Variants in RYR3 observed in about 807,000 individuals in gnomAD.
RYR3 encodes brain ryanodine receptor-calcium release channel.
Under a neutral mutation model 584.3 loss-of-function variants are expected in RYR3, and 207 were observed. The ratio of observed to expected loss-of-function variants is 0.35; its 90% confidence interval spans 0.32 to 0.40. The LOEUF (loss-of-function observed/expected upper bound fraction) is 0.40. Ranked by LOEUF, RYR3 falls within the 10% of genes least tolerant of loss-of-function variation. The pLI is 1.00. For missense variants in RYR3, 5,616 were observed against 6,089.2 expected (o/e 0.92, Z 2.59); for synonymous variants, 2,416 against 2,248.5 (o/e 1.07, Z -2.11).
chr15:33,625,539 T>C (rs1372562332), intron 20 of RYR3, among the ~76,000 whole-genome samples: 1 of 152,170 alleles, frequency 6.6e-6, no homozygotes, highest in Non-Finnish European at 1.5e-5. Flanking sequence ...AGGTTCTGTT[T>C]TTGGGGTCCT....
In RYR3 at chr15:33,837,896, C is replaced by T. The variant is rs780704306; in HGVS notation, c.11916C>T (p.Asp3972=). ...LLSCAEADEN[D]MFNYVDFVDR... ...CGTGTGCAGAAGCTGATGAGAATGACATGTTTAATTACGTTGATTTTGTAG... is the reference window on the plus strand; with the variant it reads ...CGTGTGCAGAAGCTGATGAGAATGATATGTTTAATTACGTTGATTTTGTAG... The change falls in exon 89 of 104, where the codon GAC becomes GAT. Residue 3972 remains aspartate (D), a synonymous_variant. Transcript: ENST00000634891. 6.2e-7 allele frequency: 1 copy of T among 1,614,012 alleles called. No individual in the cohort carries two copies. Among genetic ancestry groups the T allele is most frequent in the Admixed American group, 1.7e-5 (1 of 60,024 alleles).
At chr15:33,698,137 G>C (rs936587205) in intron 40 of RYR3, 141 bp downstream of exon 40, 2 of 641,980 alleles carry the variant, frequency 3.1e-6, no homozygotes, top group Non-Finnish European at 5.7e-6. Flanking sequence ...GTGCCAAGAA[G>C]GAGCCAAGCG....
intron 1 of RYR3, among the ~76,000 whole-genome samples, chr15:33,403,560 G>A (rs1429801706): frequency 6.6e-6 from 1 of 152,008 alleles, no homozygotes; most frequent in African/African-American, 2.4e-5. Context: ...AAATATATCA[G>A]AATCTAAAAA....
At chr15:33,711,139 T>C (rs2067080368) in intron 43 of RYR3, among the ~76,000 whole-genome samples, 1 of 152,364 alleles carries the variant, frequency 6.6e-6, no homozygotes, top group African/African-American at 2.4e-5. Flanking sequence ...TTTTACACTC[T>C]GTTCTTGTTT....
chr15:33,533,269 TG>T, intron 4 of RYR3, 41 bp from the exon 5 acceptor site: 1 of 1,373,926 alleles, frequency 7.3e-7, no homozygotes. Context: ...CAAGACTCAA[TG>T]GAAGAGTGTG....
At chr15:33,506,293 A>G (rs2052479764) in intron 3 of RYR3, among the ~76,000 whole-genome samples, 1 of 152,220 alleles carries the variant, frequency 6.6e-6, no homozygotes, top group Non-Finnish European at 1.5e-5. Flanking sequence ...ATATAATTAT[A>G]TATTTCAGAA....
chr15:33,333,670 C>T (rs965427060), intron 1 of RYR3, among the ~76,000 whole-genome samples: 4 of 152,072 alleles, frequency 2.6e-5, no homozygotes, highest in Non-Finnish European at 5.9e-5. Context: ...TCCTATTCAG[C>T]GTAGTATTGG....
chr15:33,724,691 G>C lies in RYR3; in HGVS notation c.6912+515G>C, dbSNP rs903047990. On this transcript the variant is annotated intron_variant, in intron 45 of 103. Coordinates refer to ENST00000634891, the MANE Select transcript of RYR3 (RefSeq NM_001036.6). The stretch of plus-strand genomic sequence containing the variant: ...CTTCTAGTTTTGAACTAGAAAGTAT[G>C]TTCTTTTCTTTTTTCACCTCTACTG... Among the ~76,000 whole-genome samples the C allele has an allele frequency of 3.9e-5, 6 of 152,252 alleles. No individual in the cohort carries two copies. In the South Asian group the frequency reaches 1.2e-3, roughly 32 times the overall value.
chr15:33,318,077 C>T (rs942117916), intron 1 of RYR3, among the ~76,000 whole-genome samples: 2 of 152,238 alleles, frequency 1.3e-5, no homozygotes, highest in Non-Finnish European at 2.9e-5. Context: ...AACATGAGCT[C>T]TTCCCTCTGG....
intron 14 of RYR3, 108 bp downstream of exon 14, chr15:33,581,751 C>A: frequency 1.0e-6 from 1 of 959,806 alleles, no homozygotes; most frequent in Non-Finnish European, 1.6e-6. Flanking sequence ...ACTTGGACTG[C>A]CTCATTCCTT....
intron 46 of RYR3, 133 bp downstream of exon 46, chr15:33,726,639 CTT>C: frequency 2.2e-6 from 2 of 927,620 alleles, no homozygotes; most frequent in South Asian, 2.1e-5. Flanking sequence ...GTGTCTCACT[CTT>C]TTTCCTGTGA....
intron 1 of RYR3, among the ~76,000 whole-genome samples, chr15:33,469,614 A>C (rs748381058): frequency 6.6e-6 from 1 of 151,802 alleles, no homozygotes; most frequent in African/African-American, 2.4e-5. Flanking sequence ...TGGGGAATAT[A>C]AAAGGATAGG....
chr15:33,376,155 A>G (rs564915032), intron 1 of RYR3, among the ~76,000 whole-genome samples: 5 of 152,298 alleles, frequency 3.3e-5, no homozygotes, highest in East Asian at 3.9e-4. Flanking sequence ...AGAGACGACC[A>G]CATTCTAATT....
At chr15:33,723,573 C>T (rs528729089) in intron 44 of RYR3, among the ~76,000 whole-genome samples, 4 of 152,210 alleles carry the variant, frequency 2.6e-5, no homozygotes, top group South Asian at 2.1e-4. Flanking sequence ...ACTCTTTAGA[C>T]GGTTGGCTTT....
intron 28 of RYR3, 148 bp downstream of exon 28, chr15:33,644,667 C>T: frequency 1.6e-6 from 1 of 630,200 alleles, no homozygotes; most frequent in Non-Finnish European, 2.8e-6. Flanking sequence ...CTCAGAGCTG[C>T]AGTTGCAGGC....
At chr15:33,611,725 C>G (rs1010240963) in intron 18 of RYR3, among the ~76,000 whole-genome samples, 2 of 152,068 alleles carry the variant, frequency 1.3e-5, no homozygotes, top group Admixed American at 6.5e-5. Flanking sequence ...GTGGCATGAT[C>G]TCAGCTCACC....
intron 87 of RYR3, among the ~76,000 whole-genome samples, chr15:33,836,603 T>C (rs958275763): frequency 4.6e-5 from 7 of 152,250 alleles, no homozygotes; most frequent in African/African-American, 1.7e-4. Context: ...TAGAGATACC[T>C]GAAGGCTCTT....
chr15:33,658,361 T>G (rs2152699303), intron 32 of RYR3, among the ~76,000 whole-genome samples: 1 of 152,346 alleles, frequency 6.6e-6, no homozygotes, highest in African/African-American at 2.4e-5. Flanking sequence ...CTCGTAAGCC[T>G]TCTAACAGTA....
intron 1 of RYR3, among the ~76,000 whole-genome samples, chr15:33,445,664 A>AAAACACAC (rs2046583892): frequency 9.4e-6 from 1 of 106,006 alleles, no homozygotes. Flanking sequence ...TTCCCCCACC[A>AAAACACAC]ACACACACAC....
Sources: gnomAD v4.1 joint callset for allele counts (sites outside exome capture counted in the v4.1 genomes callset) on GRCh38, gnomAD v4.1.1 for gene constraint, MANE v1.5 for transcripts, NCBI Gene and HGNC (gene_info 2026-07-23, HGNC 2026-07-21) for gene names.